The following CHFR variants were observed in gnomAD, a reference collection of about 807,000 sequenced individuals.
The protein encoded by CHFR is checkpoint with forkhead and ring finger domains.
A neutral mutation model predicts 87.6 loss-of-function variants in CHFR; 57 were observed. That is an observed-to-expected ratio of 0.65 (90% CI 0.53 to 0.81). The LOEUF is 0.81. Ranked by LOEUF, CHFR falls within the 30% of genes least tolerant of loss-of-function variation. CHFR has a pLI of 0.00. For missense variants in CHFR, 797 were observed against 865.8 expected (o/e 0.92, Z 1.00); for synonymous variants, 381 against 359.2 (o/e 1.06, Z -0.69).
chr12:132,878,302 C>T (rs1236139842), intron 2 of CHFR, among the ~76,000 whole-genome samples: 1 of 151,830 alleles, frequency 6.6e-6, no homozygotes, highest in South Asian at 2.1e-4. Context: ...AACCCCATAT[C>T]TACTAAAAAT....
chr12:132,877,718 T>C, intron 2 of CHFR, 64 bp from the exon 3 acceptor site: 1 of 983,602 alleles, frequency 1.0e-6, no homozygotes. Context: ...CTACTGCACT[T>C]TGTTTACCAA....
In CHFR at chr12:132,841,532, G is replaced by A; in HGVS notation, c.*22C>T. The A allele has an allele frequency of 6.2e-7, 1 of 1,603,252 alleles. No homozygotes were observed. The highest frequency in any genetic ancestry group is 8.5e-7 in the Non-Finnish European group (1 of 1,170,128). On this transcript the variant is annotated 3_prime_UTR_variant, in exon 18 of 18. Coordinates refer to ENST00000450056, the MANE Select transcript of CHFR (RefSeq NM_001161346.2). The stretch of plus-strand genomic sequence containing the variant: ...GCTCTCTTCACCTCCAGTGCTGAAA[G>A]CTGCTCAGGGCCTCTGGATGCTTAG...
Position 132,841,308 on chromosome 12 carries a change from T to C in CHFR, c.*246A>G. 2 of 451,102 alleles carry C rather than the reference T, an allele frequency of 4.4e-6. No homozygotes were observed. The highest frequency in any genetic ancestry group is 7.9e-6 in the Non-Finnish European group (2 of 254,026). 27.9% of individuals were successfully genotyped at this position (451,102 alleles called of 1,614,324 possible). A position where few individuals can be genotyped will look rare whatever the true frequency, so the allele number is the denominator to read the frequency against. ...TGTTACAGAAAGGCTTCGTCTCTGC[T>C]GCTGATGCCACCACGAGCCCTGCCC... On this transcript the variant is annotated 3_prime_UTR_variant, in exon 18 of 18. Transcript: ENST00000450056.
At chr12:132,860,107 C>T (rs773080457) in intron 7 of CHFR, among the ~76,000 whole-genome samples, 4 of 152,132 alleles carry the variant, frequency 2.6e-5, no homozygotes, top group Admixed American at 6.6e-5. Flanking sequence ...CCGTCTCAGC[C>T]GCTCCTCACC....
chr12:132,842,199 G>A (rs1950718204), intron 17 of CHFR, among the ~76,000 whole-genome samples: 1 of 151,996 alleles, frequency 6.6e-6, no homozygotes, highest in South Asian at 2.1e-4. Flanking sequence ...GCATCCCCGT[G>A]GCATCTGCTG....
At chr12:132,887,162 G>A in intron 2 of CHFR, 34 bp downstream of exon 2, 4 of 1,450,252 alleles carry the variant, frequency 2.8e-6, no homozygotes, top group Non-Finnish European at 3.6e-6. Context: ...GCTCTGCCCG[G>A]CCCCGGCCCC....
At chr12:132,849,783 T>C (rs1225850146) in intron 12 of CHFR, 8 of 151,354 alleles carry the variant, frequency 5.3e-5, no homozygotes, top group Non-Finnish European at 8.8e-5. Context: ...AAAGATGGGG[T>C]CTCACCGCGT....
At chr12:132,850,799 C>G (rs1487998405) in intron 12 of CHFR, among the ~76,000 whole-genome samples, 1 of 151,980 alleles carries the variant, frequency 6.6e-6, no homozygotes, top group Non-Finnish European at 1.5e-5. Context: ...CTCAACAGGG[C>G]TAGGGCTTTC....
Position 132,847,076 on chromosome 12 carries a change from C to A in CHFR, c.1702G>T (p.Val568Leu). Reference protein sequence around the residue: ...TWKNMLTESLVALQRGVFLLS... With the variant: ...TWKNMLTESLLALQRGVFLLS... Reference sequence around the variant, plus strand: ...AGAAACACTCCCCGCTGGAGAGCCACGAGGCTCTCGGTCAACATGTTTTTC... The same window carrying A: ...AGAAACACTCCCCGCTGGAGAGCCAAGAGGCTCTCGGTCAACATGTTTTTC... Residue 568 changes from valine to leucine, a missense_variant, in exon 15 of 18, where the codon GTG becomes TTG. Val to Leu is a conservative substitution (Grantham distance 32). Around this residue, in one of 2 missense-constraint regions of CHFR, gnomAD observed 200 missense variants for 264.6 expected, o/e 0.76. Coordinates refer to ENST00000450056, the MANE Select transcript of CHFR (RefSeq NM_001161346.2). The A allele has an allele frequency of 1.2e-6, 2 of 1,613,518 alleles. No individual in the cohort carries two copies. The highest frequency in any genetic ancestry group is 1.3e-5 in the African/African-American group (1 of 74,904).
In CHFR at chr12:132,848,094, G is replaced by A. The variant is rs1416698488; in HGVS notation, c.1638C>T (p.Asp546=). Residue 546 remains aspartate, a synonymous_variant, in exon 14 of 18, where the codon GAC becomes GAT. Transcript: ENST00000450056. ...GVLNNNSYES[D]ILKNYLATRG... ...CGCAGCGAGTCGGTACCTTCAGGAT[G>A]TCTGACTCGTAGCTGTTGTTGTTCA... 4 of 1,613,960 alleles carry A rather than the reference G, an allele frequency of 2.5e-6. No individual in the cohort carries two copies. The highest frequency in any genetic ancestry group is 3.4e-6 in the Non-Finnish European group (4 of 1,180,024).
chr12:132,845,990 T>A (rs1434079960), intron 15 of CHFR, among the ~76,000 whole-genome samples: 2 of 152,224 alleles, frequency 1.3e-5, no homozygotes, highest in Non-Finnish European at 2.9e-5. Flanking sequence ...TATGAAGGGC[T>A]GTAGAAGCTC....
chr12:132,834,422 A>T lies in CHFR; in HGVS notation c.*7132T>A, dbSNP rs1372238398. On this transcript the variant is annotated 3_prime_UTR_variant, in exon 18 of 18. Coordinates refer to ENST00000450056, the MANE Select transcript of CHFR (RefSeq NM_001161346.2). Reference sequence around the variant, plus strand: ...CTGAAAACAAAAACCAAACGGGATGAGTGTGTGGGGGGTAGTGAGCTTCCT... The same window carrying T: ...CTGAAAACAAAAACCAAACGGGATGTGTGTGTGGGGGGTAGTGAGCTTCCT... The T allele has an allele frequency of 6.6e-6, 1 of 152,354 alleles. No individual in the cohort carries two copies. The highest frequency in any genetic ancestry group is 2.4e-5 in the African/African-American group (1 of 41,442). 9.4% of individuals were successfully genotyped at this position (152,354 alleles called of 1,614,324 possible).
At chr12:132,863,584 A>T (rs1294198709) in intron 6 of CHFR, among the ~76,000 whole-genome samples, 1 of 152,154 alleles carries the variant, frequency 6.6e-6, no homozygotes, top group African/African-American at 2.4e-5. Flanking sequence ...CAGTGGAGGG[A>T]TGCATAGCTT....
chr12:132,867,820 A>C (rs911878845), intron 6 of CHFR: 2 of 152,156 alleles, frequency 1.3e-5, no homozygotes, highest in Non-Finnish European at 1.5e-5. Flanking sequence ...AGAGCTTAAC[A>C]AACAAGGAGA....
intron 16 of CHFR, 147 bp downstream of exon 16, chr12:132,843,880 C>T (rs1950753064): frequency 1.9e-6 from 1 of 524,822 alleles, no homozygotes; most frequent in African/African-American, 1.9e-5. Flanking sequence ...ACTCAGGAGG[C>T]AGAGGTTGCA....
intron 2 of CHFR, among the ~76,000 whole-genome samples, chr12:132,883,685 C>T (rs965091013): frequency 1.3e-5 from 2 of 152,158 alleles, no homozygotes; most frequent in East Asian, 3.9e-4. Context: ...CGAGATCGTG[C>T]CACTGCACTC....
At chr12:132,853,020 G>T (rs144824959) in intron 11 of CHFR, among the ~76,000 whole-genome samples, 7 of 152,330 alleles carry the variant, frequency 4.6e-5, no homozygotes, top group African/African-American at 1.4e-4. Context: ...AGCCAACTCT[G>T]GTGACGCAGG....
chr12:132,836,304 G>A lies in CHFR; in HGVS notation c.*5250C>T, dbSNP rs1950645791. On this transcript the variant is annotated 3_prime_UTR_variant, in exon 18 of 18. Transcript: ENST00000450056. ...GTGCCAGGCTCCCAGCACGGCGCAC[G>A]GCCCTCACAGTGACAGGCTCCCAGC... 2 of 264,090 alleles carry A rather than the reference G, an allele frequency of 7.6e-6. No homozygotes were observed. Among genetic ancestry groups the A allele is most frequent in the Non-Finnish European group, 1.3e-5 (2 of 148,446 alleles). 16.4% of individuals were successfully genotyped at this position (264,090 alleles called of 1,614,324 possible).
chr12:132,853,296 A>G, intron 11 of CHFR, 135 bp downstream of exon 11: 1 of 936,408 alleles, frequency 1.1e-6, no homozygotes, highest in Non-Finnish European at 1.5e-6. Flanking sequence ...CAGGGAGACC[A>G]ATGAGGCCAG....
Sources: gnomAD v4.1 joint callset for allele counts (sites outside exome capture counted in the v4.1 genomes callset) on GRCh38, gnomAD v4.1.1 for gene constraint, gnomAD v4.1.1 regional missense constraint, MANE v1.5 for transcripts, NCBI Gene and HGNC (gene_info 2026-07-23, HGNC 2026-07-21) for gene names.